Variants in ANK1 observed in about 807,000 individuals in gnomAD.
The protein encoded by ANK1 is ankyrin-1.
ANK1 carries 51 observed loss-of-function variants against 210.4 expected under a neutral mutation model. The observed-to-expected ratio is 0.24, with a 90% confidence interval of 0.19 to 0.31. The LOEUF is 0.31. Ranked by LOEUF, ANK1 falls within the 10% of genes least tolerant of loss-of-function variation. The pLI is 1.00. For missense variants in ANK1, 2,051 were observed against 2,504.4 expected, an observed-to-expected ratio of 0.82 and a Z score of 3.86; for synonymous variants, 967 against 1,025.9, an observed-to-expected ratio of 0.94 and a Z score of 1.10.
intron 1 of ANK1, among the ~76,000 whole-genome samples, chr8:41,883,784 C>T (rs1817995676): frequency 6.6e-6 from 1 of 152,244 alleles, no homozygotes. Context: ...TAAGAGTCCT[C>T]TAAACTAAAT....
chr8:41,682,551 G>A (rs1586031502), intron 37 of ANK1, among the ~76,000 whole-genome samples: 1 of 152,344 alleles, frequency 6.6e-6, no homozygotes, highest in East Asian at 1.9e-4. Context: ...TTGCCAAATG[G>A]GCTGACCCCC....
intron 42 of ANK1, among the ~76,000 whole-genome samples, chr8:41,657,954 T>G (rs966248845): frequency 1.3e-5 from 2 of 152,204 alleles, no homozygotes; most frequent in Admixed American, 6.5e-5. Context: ...TAATCATAGC[T>G]CACTGCAGCC....
chr8:41,694,209 C>G lies in ANK1; in HGVS notation c.3328-107G>C. ...GAGTGGCCGTCAGTGCACGGGGTCCCGCCCTGCTGTTGGACCACAGAACCG... is the reference window on the plus strand; with the variant it reads ...GAGTGGCCGTCAGTGCACGGGGTCCGGCCCTGCTGTTGGACCACAGAACCG... On this transcript the variant is annotated intron_variant, in intron 28 of 42. Coordinates refer to ENST00000289734, the MANE Select transcript of ANK1 (RefSeq NM_000037.4). The surrounding 1 kb of genome is among the most constrained non-coding windows in gnomAD (Gnocchi z 5.7). 1 of 1,226,542 alleles carries G rather than the reference C, an allele frequency of 8.2e-7. No individual in the cohort carries two copies. Among genetic ancestry groups the G allele is most frequent in the South Asian group, 1.4e-5 (1 of 70,066 alleles). The allele number at this position is 1,226,542 out of a possible 1,614,324, so 76.0% of individuals were successfully genotyped here.
intron 42 of ANK1, among the ~76,000 whole-genome samples, chr8:41,660,020 G>C (rs1414738136): frequency 1.3e-5 from 2 of 152,170 alleles, no homozygotes; most frequent in Admixed American, 6.5e-5. Flanking sequence ...AGTCAGAAAA[G>C]TGTACTTTTC....
Position 41,655,638 on chromosome 8 carries a change from C to A in ANK1, c.*152G>T. ...ACTAGCAGGAGTCCCTTACAGAGGT[C>A]ATGCCGTCAGCCCAGAGGAATGTGT... On this transcript the variant is annotated 3_prime_UTR_variant, in exon 43 of 43. Coordinates refer to ENST00000289734, the MANE Select transcript of ANK1 (RefSeq NM_000037.4). 6.6e-7 allele frequency: 1 copy of A among 1,507,368 alleles called. No individual in the cohort carries two copies. The highest frequency in any genetic ancestry group is 1.1e-5 in the South Asian group (1 of 88,114). The allele number at this position is 1,507,368 out of a possible 1,614,324, so 93.4% of individuals were successfully genotyped here.
At chr8:41,862,142 C>T (rs1246137529) in intron 1 of ANK1, among the ~76,000 whole-genome samples, 1 of 152,162 alleles carries the variant, frequency 6.6e-6, no homozygotes, top group African/African-American at 2.4e-5. Context: ...ACCTGATTCC[C>T]AGGGACATTA....
intron 1 of ANK1, among the ~76,000 whole-genome samples, chr8:41,758,646 T>A (rs1270874348): frequency 1.3e-5 from 2 of 150,184 alleles, no homozygotes; most frequent in Non-Finnish European, 3.0e-5. Flanking sequence ...CTGGCCCCCT[T>A]TTGGTATTTT....
chr8:41,762,914 A>G (rs1840790784), intron 1 of ANK1, among the ~76,000 whole-genome samples: 2 of 152,208 alleles, frequency 1.3e-5, no homozygotes, highest in Non-Finnish European at 2.9e-5. Flanking sequence ...TCCAGGAAGA[A>G]AAGAAGAATA....
rs1343706526 is a variant in ANK1 at position 41,773,535 on chromosome 8, G to C, written c.28-15398C>G. Among the ~76,000 whole-genome samples the C allele has an allele frequency of 3.3e-5, 5 of 152,304 alleles. No homozygotes were observed. The East Asian group carries it at 5.8e-4, about 18-fold the overall frequency. On this transcript the variant is annotated intron_variant, in intron 1 of 42. Coordinates refer to ENST00000289734, the MANE Select transcript of ANK1 (RefSeq NM_000037.4). ...TCTTGGGTTACAGGCCCACTCTTTG[G>C]CATGGCTTTGGTGGAATTCGACTCC...
At chr8:41,692,941 G>C in intron 30 of ANK1, 65 bp from the exon 31 acceptor site, 1 of 1,562,598 alleles carries the variant, frequency 6.4e-7, no homozygotes, top group South Asian at 1.1e-5. Context: ...CCATCCAGAC[G>C]GGAGCAGCCC....
chr8:41,764,819 AC>A (rs1841384123), intron 1 of ANK1, among the ~76,000 whole-genome samples: 1 of 152,256 alleles, frequency 6.6e-6, no homozygotes, highest in Admixed American at 6.5e-5. Flanking sequence ...AAACAAGTTT[AC>A]TTTCACAAAG....
intron 1 of ANK1, among the ~76,000 whole-genome samples, chr8:41,776,133 C>T (rs1260988234): frequency 6.6e-6 from 1 of 152,066 alleles, no homozygotes; most frequent in African/African-American, 2.4e-5. Context: ...GGGCTTTGCA[C>T]CATTCTGCAA....
intron 1 of ANK1, among the ~76,000 whole-genome samples, chr8:41,837,711 A>C (rs1006075891): frequency 2.6e-4 from 39 of 152,018 alleles, no homozygotes; most frequent in African/African-American, 8.7e-4. Context: ...ATGTCTACTA[A>C]AATACAAAAA....
intron 37 of ANK1, 77 bp from the exon 38 acceptor site, chr8:41,672,989 C>T (rs1317979654): frequency 1.4e-5 from 19 of 1,382,738 alleles, no homozygotes; most frequent in African/African-American, 2.8e-5. Context: ...TCCACGCACA[C>T]GCACGAACAC....
At chr8:41,847,107 C>T (rs1322429515) in intron 1 of ANK1, among the ~76,000 whole-genome samples, 2 of 152,178 alleles carry the variant, frequency 1.3e-5, no homozygotes, top group South Asian at 2.1e-4. Context: ...AAACTCAGAA[C>T]CCCGACAGCA....
At chr8:41,691,814 C>A (rs1193088245) in intron 31 of ANK1, among the ~76,000 whole-genome samples, 1 of 152,096 alleles carries the variant, frequency 6.6e-6, no homozygotes, top group African/African-American at 2.4e-5. Context: ...ATAAAGGTAC[C>A]CATAAATATG....
chr8:41,670,301 T>C (rs1811862829), intron 38 of ANK1, among the ~76,000 whole-genome samples: 1 of 151,842 alleles, frequency 6.6e-6, no homozygotes, highest in Non-Finnish European at 1.5e-5. Context: ...TATTGTTGAG[T>C]AAGTGGATGA....
intron 1 of ANK1, among the ~76,000 whole-genome samples, chr8:41,822,086 G>GAA (rs1804401089): frequency 3.0e-5 from 1 of 32,880 alleles, no homozygotes; most frequent in Non-Finnish European, 5.6e-5. Context: ...GAGAGAGAGA[G>GAA]AGAGAGAGAG....
upstream of ANK1, chr8:41,797,723 T>C (rs540120343): frequency 7.1e-4 from 597 of 843,874 alleles, 4 homozygotes; most frequent in African/African-American, 0.01. The surrounding 1 kb of genome is among the most constrained non-coding windows in gnomAD (Gnocchi z 4.0). Flanking sequence ...GGCGGAGGGG[T>C]GGCGCCCGCC....
Sources: gnomAD v4.1 joint callset for allele counts (sites outside exome capture counted in the v4.1 genomes callset) on GRCh38, gnomAD v4.1.1 for gene constraint, Gnocchi (gnomAD v3.1) non-coding constraint, MANE v1.5 for transcripts, NCBI Gene and HGNC (gene_info 2026-07-23, HGNC 2026-07-21) for gene names.